The following BACH2 variants were observed in gnomAD, a reference collection of about 807,000 sequenced individuals.
BACH2 encodes transcription regulator protein BACH2.
Under a neutral mutation model 61.8 loss-of-function variants are expected in BACH2, and 5 were observed. The ratio of observed to expected loss-of-function variants is 0.08; its 90% CI spans 0.04 to 0.17. The LOEUF is 0.17. Ranked by LOEUF, BACH2 falls within the 10% of genes least tolerant of loss-of-function variation. The probability of loss-of-function intolerance (pLI) is 1.00; values close to 1 mark genes in which losing one functional copy is unlikely to be tolerated. For missense variants in BACH2, 824 were observed against 1,091.1 expected (o/e 0.76, Z 3.45); for synonymous variants, 446 against 440.1 (o/e 1.01, Z -0.17).
chr6:90,289,604 A>G (rs1160548146), intron 1 of BACH2, among the ~76,000 whole-genome samples: 1 of 152,246 alleles, frequency 6.6e-6, no homozygotes, highest in Non-Finnish European at 1.5e-5. Flanking sequence ...TGGGCCACAC[A>G]TAAAATACAC....
chr6:90,141,954 G>A (rs1784476514), intron 4 of BACH2, among the ~76,000 whole-genome samples: 1 of 152,170 alleles, frequency 6.6e-6, no homozygotes, highest in Non-Finnish European at 1.5e-5. Flanking sequence ...GGTGGCTTAT[G>A]CCTATAATCC....
chr6:89,935,173 T>C (rs1231668714), intron 8 of BACH2, among the ~76,000 whole-genome samples: 1 of 149,840 alleles, frequency 6.7e-6, no homozygotes, highest in Admixed American at 6.7e-5. Context: ...TGGGGAGAGG[T>C]GGAAGCTGCT....
chr6:90,045,656 CT>C (rs1207446361), intron 5 of BACH2, among the ~76,000 whole-genome samples: 4 of 152,186 alleles, frequency 2.6e-5, no homozygotes, highest in African/African-American at 9.6e-5. Context: ...TCACCAAATT[CT>C]TTTGGTTACT....
At chr6:90,252,776 A>C (rs951927298) in intron 2 of BACH2, among the ~76,000 whole-genome samples, 186 bp from the exon 3 acceptor site, 11 of 152,218 alleles carry the variant, frequency 7.2e-5, no homozygotes, top group African/African-American at 2.7e-4. Context: ...AATATAGTCA[A>C]GTTTACTAGG....
In BACH2 at chr6:89,931,945, AT is replaced by A. The variant is rs1340543194; in HGVS notation, c.*462del. The A allele has an allele frequency of 2.7e-5, 4 of 147,484 alleles. No homozygotes were observed. Among genetic ancestry groups the A allele is most frequent in the African/African-American group, 9.8e-5 (4 of 40,620 alleles). The allele number at this position is 147,484 out of a possible 1,614,324, so 9.1% of individuals were successfully genotyped here. A position where few individuals can be genotyped will look rare whatever the true frequency, so the allele number is the denominator to read the frequency against. ...GACTTTTGCATATGGATATATATAT[AT>A]ATATATATATATTTTATATATATAT... is the stretch of plus-strand genomic sequence containing the variant. On this transcript the variant is annotated 3_prime_UTR_variant, in exon 9 of 9. Transcript: ENST00000257749.
At chr6:90,054,893 C>A (rs1447849907) in intron 5 of BACH2, among the ~76,000 whole-genome samples, 1 of 152,230 alleles carries the variant, frequency 6.6e-6, no homozygotes, top group Non-Finnish European at 1.5e-5. Flanking sequence ...CAAACTCCAA[C>A]AGACCTGCAG....
chr6:90,229,752 C>A (rs913545789), intron 3 of BACH2, among the ~76,000 whole-genome samples: 3 of 152,328 alleles, frequency 2.0e-5, no homozygotes, highest in African/African-American at 7.2e-5. Context: ...CTTTAAACAG[C>A]CCTAAATGAA....
intron 2 of BACH2, among the ~76,000 whole-genome samples, chr6:90,258,692 A>G (rs28797847): frequency 6.6e-6 from 1 of 152,288 alleles, no homozygotes; most frequent in Non-Finnish European, 1.5e-5. Flanking sequence ...CTTCTGATCC[A>G]TGAGCATGTG....
intron 4 of BACH2, among the ~76,000 whole-genome samples, chr6:90,094,523 T>C (rs56136954): frequency 0.022 from 3,314 of 152,258 alleles, 102 homozygotes; most frequent in African/African-American, 0.076. Context: ...CTTCCTACCT[T>C]ATTGGGATCT....
At chr6:90,296,301 A>C (rs1772383391) in intron 1 of BACH2, among the ~76,000 whole-genome samples, 179 bp downstream of exon 1, 1 of 151,462 alleles carries the variant, frequency 6.6e-6, no homozygotes, top group Admixed American at 6.6e-5. Flanking sequence ...CCGTTCCTAG[A>C]AAATGCCATA....
chr6:89,932,434 C>T lies in BACH2; in HGVS notation c.2500G>A (p.Glu834Lys), dbSNP rs766960741. Residue 834 changes from glutamate to lysine, a missense_variant, in exon 9 of 9, where the codon GAA becomes AAA. Glu to Lys is a moderately conservative substitution (Grantham distance 56, BLOSUM62 1). Around this residue, in one of 8 missense-constraint regions of BACH2, gnomAD observed 135 missense variants for 142.7 expected, o/e 0.95. Coordinates refer to ENST00000257749, the MANE Select transcript of BACH2 (RefSeq NM_021813.4). ...QEMTDKCTTD[E>K]QPRKDYT ...TAGGTATAATCTTTCCTGGGCTGTT[C>T]GTCAGTTGTACACTTATCAGTCATT... 6.8e-6 allele frequency: 11 copies of T among 1,613,712 alleles called. No individual in the cohort carries two copies. The highest frequency in any genetic ancestry group is 9.3e-6 in the Non-Finnish European group (11 of 1,179,778).
In BACH2 at chr6:90,097,042, C is replaced by G. The variant is rs183345047; in HGVS notation, c.-161-7933G>C. On this transcript the variant is annotated intron_variant, in intron 4 of 8. Transcript: ENST00000257749. ...ATGCATCCCTAGTCCAGCCTGACAT[C>G]CAGCACCAGGCTCTTTCCCAGCCTT... 1.4e-3 allele frequency among the ~76,000 whole-genome samples: 211 copies of G among 152,282 alleles called. 1 individual carries two copies. Among genetic ancestry groups the G allele is most frequent in the African/African-American group, 4.9e-3 (205 of 41,560 alleles).
intron 6 of BACH2, among the ~76,000 whole-genome samples, chr6:89,958,260 C>T (rs1450870246): frequency 1.3e-5 from 2 of 152,222 alleles, no homozygotes; most frequent in African/African-American, 4.8e-5. Context: ...GGATTACAGG[C>T]ATGAGCCACT....
At chr6:90,144,809 A>G (rs1784564845) in intron 4 of BACH2, among the ~76,000 whole-genome samples, 1 of 152,164 alleles carries the variant, frequency 6.6e-6, no homozygotes, top group Non-Finnish European at 1.5e-5. Flanking sequence ...AAGTTTTTCA[A>G]AAGAAACAGA....
chr6:89,956,697 C>A lies in BACH2; in HGVS notation c.244-4835G>T, dbSNP rs1469115363. Among the ~76,000 whole-genome samples, 3 of 152,156 alleles carry A rather than the reference C, an allele frequency of 2.0e-5. 1 individual carries two copies. The highest frequency in any genetic ancestry group is 7.2e-5 in the African/African-American group (3 of 41,418). ...AGGACAGAGTTTATGAGGATACTTA[C>A]AACAGTTCCATCTCTGGACTATGAT... is the stretch of plus-strand genomic sequence containing the variant. On this transcript the variant is annotated intron_variant, in intron 6 of 8. Transcript: ENST00000257749.
chr6:90,058,128 T>C (rs1780470218), intron 5 of BACH2, among the ~76,000 whole-genome samples: 1 of 152,154 alleles, frequency 6.6e-6, no homozygotes, highest in South Asian at 2.1e-4. Context: ...GCCAGGGCAA[T>C]TAGGCAGGAG....
At chr6:89,980,279 G>A (rs1197565882) in intron 6 of BACH2, among the ~76,000 whole-genome samples, 1 of 149,502 alleles carries the variant, frequency 6.7e-6, no homozygotes, top group Admixed American at 6.8e-5. Context: ...GGGTGACAGA[G>A]CAAGACTCTG....
intron 4 of BACH2, among the ~76,000 whole-genome samples, chr6:90,170,346 A>C (rs1767770211): frequency 6.6e-6 from 1 of 152,300 alleles, no homozygotes; most frequent in East Asian, 1.9e-4. Flanking sequence ...TCACCTTTTC[A>C]ACATACTATA....
At chr6:90,010,877 A>G (rs1777667370) in intron 5 of BACH2, among the ~76,000 whole-genome samples, 1 of 152,164 alleles carries the variant, frequency 6.6e-6, no homozygotes, top group Non-Finnish European at 1.5e-5. Context: ...TGACCTCTGT[A>G]TATTTTCTTT....
Sources: gnomAD v4.1 joint callset for allele counts (sites outside exome capture counted in the v4.1 genomes callset) on GRCh38, gnomAD v4.1.1 for gene constraint, gnomAD v4.1.1 regional missense constraint, MANE v1.5 for transcripts, NCBI Gene and HGNC (gene_info 2026-07-23, HGNC 2026-07-21) for gene names.